PRLR: variants seen among roughly 807,000 people sequenced by gnomAD.
The protein encoded by PRLR is hPRL receptor.
In PRLR, 13 loss-of-function variants were observed where a neutral mutation model predicts 40.2. That is an observed-to-expected ratio of 0.32 (90% CI 0.21 to 0.51). PRLR has a LOEUF of 0.51. PRLR is among the 20% of genes least tolerant of loss of function. PRLR has a pLI of 0.97. For synonymous variants in PRLR, 269 were observed against 278.7 expected (o/e 0.97, Z 0.35); for missense variants, 656 against 747.3 (o/e 0.88, Z 1.42).
chr5:35,144,561 C>T (rs745428564), intron 1 of PRLR, among the ~76,000 whole-genome samples: 1 of 152,124 alleles, frequency 6.6e-6, no homozygotes, highest in Admixed American at 6.5e-5. Context: ...TCAAGTGATT[C>T]TTATGCCTCA....
rs73767509 is a variant in PRLR, at chr5:35,089,479, A to G, written c.70+72T>C. On this transcript the variant is annotated intron_variant, in intron 3 of 9. Coordinates refer to ENST00000618457, the MANE Select transcript of PRLR (RefSeq NM_000949.7). Reference sequence around the variant, plus strand: ...TTTTTCATAATGGCATTGCAAGAAGACTGCATGGACTCTCCACCCTGTTGA... The same window carrying G: ...TTTTTCATAATGGCATTGCAAGAAGGCTGCATGGACTCTCCACCCTGTTGA... The G allele has an allele frequency of 1.1e-3, 1,122 of 999,504 alleles. 6 individuals are homozygous for G. The African/African-American group carries it at 0.016, about 14-fold the overall frequency. 61.9% of individuals were successfully genotyped at this position (999,504 alleles called of 1,614,324 possible).
intron 1 of PRLR, among the ~76,000 whole-genome samples, chr5:35,149,431 C>G (rs551704232): frequency 2.9e-4 from 44 of 152,152 alleles, no homozygotes; most frequent in Non-Finnish European, 5.1e-4. Flanking sequence ...AAATTGTGCT[C>G]CATTTGATAA....
Position 35,070,916 on chromosome 5 carries a change from T to C in PRLR, c.544-651A>G, listed in dbSNP as rs1341635874. Among the ~76,000 whole-genome samples the C allele has an allele frequency of 2.0e-5, 3 of 150,200 alleles. No individual in the cohort carries two copies. The East Asian group carries it at 5.8e-4, about 29-fold the overall frequency. On this transcript the variant is annotated intron_variant, in intron 6 of 9. Transcript: ENST00000618457. ...CTTTAAACCCTAATGAAATAACTGA[T>C]TCAATAATAAATTGGTGTTAAAAAC...
At chr5:35,145,052 G>A (rs540264482) in intron 1 of PRLR, among the ~76,000 whole-genome samples, 27 of 152,268 alleles carry the variant, frequency 1.8e-4, no homozygotes, top group African/African-American at 6.3e-4. Context: ...CTTTGTATTC[G>A]TGATAAAATA....
intron 1 of PRLR, among the ~76,000 whole-genome samples, chr5:35,121,058 T>C (rs1434097825): frequency 6.6e-6 from 1 of 152,166 alleles, no homozygotes; most frequent in East Asian, 1.9e-4. Flanking sequence ...ATGAATTTAT[T>C]CTAGAGGTGC....
At chr5:35,072,875 T>G in intron 5 of PRLR, 131 bp from the exon 6 acceptor site, 2 of 1,026,498 alleles carry the variant, frequency 1.9e-6, no homozygotes, top group Non-Finnish European at 2.8e-6. Context: ...GCCCCCCAAA[T>G]ACCCGGGCCT....
At chr5:35,099,905 G>A (rs1234745179) in intron 2 of PRLR, among the ~76,000 whole-genome samples, 5 of 152,058 alleles carry the variant, frequency 3.3e-5, no homozygotes, top group East Asian at 1.9e-4. Flanking sequence ...GGCCAGGCAC[G>A]GTGGTTCACG....
intron 2 of PRLR, among the ~76,000 whole-genome samples, chr5:35,102,667 C>A (rs113439186): frequency 0.12 from 18,340 of 151,820 alleles, 2,276 homozygotes; most frequent in African/African-American, 0.32. Flanking sequence ...CTTAGCCTCC[C>A]GAGTAGCTGG....
chr5:35,120,448 C>T (rs944952306), intron 1 of PRLR, among the ~76,000 whole-genome samples: 26 of 152,082 alleles, frequency 1.7e-4, no homozygotes, highest in Non-Finnish European at 2.4e-4. Flanking sequence ...TAAATTGTGC[C>T]TGATTGCTCT....
intron 1 of PRLR, among the ~76,000 whole-genome samples, chr5:35,134,323 T>C (rs1031219607): frequency 2.6e-5 from 4 of 152,080 alleles, no homozygotes; most frequent in African/African-American, 9.7e-5. Flanking sequence ...ATGGCTCCTC[T>C]TTCCTTGGAT....
chr5:35,117,319 A>G (rs1405600101), intron 2 of PRLR, among the ~76,000 whole-genome samples: 1 of 152,154 alleles, frequency 6.6e-6, no homozygotes, highest in Non-Finnish European at 1.5e-5. Flanking sequence ...ATTTTCTTCA[A>G]CCAATAACTT....
chr5:35,227,723 A>C (rs1046431764), intron 1 of PRLR, among the ~76,000 whole-genome samples: 1 of 152,190 alleles, frequency 6.6e-6, no homozygotes, highest in African/African-American at 2.4e-5. Context: ...CCATGGAGAG[A>C]GAGTACATGC....
At chr5:35,105,962 C>T (rs1056519477) in intron 2 of PRLR, among the ~76,000 whole-genome samples, 8 of 152,190 alleles carry the variant, frequency 5.3e-5, no homozygotes, top group Middle Eastern at 3.4e-3. Flanking sequence ...AAAAATGTTA[C>T]GGGCAGCCAG....
At chr5:35,157,386 G>A (rs1236825778) in intron 1 of PRLR, among the ~76,000 whole-genome samples, 1 of 152,166 alleles carries the variant, frequency 6.6e-6, no homozygotes, top group Admixed American at 6.5e-5. Flanking sequence ...AGGGGGCTGA[G>A]GTATAGATGC....
At chr5:35,107,225 C>A (rs1015492489) in intron 2 of PRLR, among the ~76,000 whole-genome samples, 3 of 152,188 alleles carry the variant, frequency 2.0e-5, no homozygotes, top group African/African-American at 7.2e-5. Context: ...ACATTTAAAG[C>A]AGTGTGTAGA....
At chr5:35,107,376 C>G (rs1400095743) in intron 2 of PRLR, among the ~76,000 whole-genome samples, 3 of 152,010 alleles carry the variant, frequency 2.0e-5, no homozygotes, top group Non-Finnish European at 2.9e-5. Context: ...TAACTAAGAT[C>G]AGAGCAGAAC....
chr5:35,082,619 T>A (rs776782254), intron 5 of PRLR, among the ~76,000 whole-genome samples: 1 of 152,218 alleles, frequency 6.6e-6, no homozygotes, highest in Non-Finnish European at 1.5e-5. Flanking sequence ...TGAGAACCAC[T>A]GCTTTTAAGT....
At position 35,118,141 on chromosome 5, in the gene PRLR, C is replaced by T. The variant is rs1411005627; in HGVS notation, c.-105-19G>A. 4 of 979,774 alleles carry T rather than the reference C, an allele frequency of 4.1e-6. No individual in the cohort carries two copies. Among genetic ancestry groups the T allele is most frequent in the African/African-American group, 1.8e-5 (1 of 57,070 alleles). 60.7% of individuals were successfully genotyped at this position (979,774 alleles called of 1,614,324 possible). A position where few individuals can be genotyped will look rare whatever the true frequency, so the allele number is the denominator to read the frequency against. On this transcript the variant is annotated intron_variant, in intron 1 of 9. Transcript: ENST00000618457. ...TCTTTAGCTGAAAGAGGAAATGATT[C>T]ATTTTAGCTCCAAGATGACAAAACG...
chr5:35,117,827 C>G (rs1365002437), intron 2 of PRLR, among the ~76,000 whole-genome samples: 1 of 152,146 alleles, frequency 6.6e-6, no homozygotes, highest in South Asian at 2.1e-4. Flanking sequence ...CTATTAAAAG[C>G]TTTGGTATTT....
Sources: allele counts gnomAD v4.1 joint callset (sites outside exome capture counted in the v4.1 genomes callset), GRCh38; gene constraint gnomAD v4.1.1; transcripts MANE v1.5; gene names NCBI Gene and HGNC (gene_info 2026-07-23, HGNC 2026-07-21).